Variants in STK32C observed in about 807,000 individuals in gnomAD.
STK32C encodes the protein serine/threonine kinase 32C.
STK32C carries 31 observed loss-of-function variants against 56.5 expected under a neutral mutation model. The ratio of observed to expected loss-of-function variants is 0.55; its 90% confidence interval spans 0.41 to 0.74. STK32C has a LOEUF of 0.74. Among genes scored for constraint, STK32C ranks in the 30% least tolerant of loss-of-function variants. The pLI is 0.00. For missense variants in STK32C, 544 were observed against 676.9 expected (o/e 0.80, Z 2.18); for synonymous variants, 309 against 289.4 (o/e 1.07, Z -0.69).
downstream of STK32C, among the ~76,000 whole-genome samples, chr10:132,322,816 C>T (rs962120848): frequency 6.6e-6 from 1 of 152,210 alleles, no homozygotes; most frequent in African/African-American, 2.4e-5. Flanking sequence ...GGGTGGAGGT[C>T]GTGGTTCTCT....
chr10:132,207,789 G>C lies in STK32C; in HGVS notation c.*221C>G. ...CGCTTCCTCCATCTAGGCGGGTCTC[G>C]GGGGCCCACGGGAAATGCCCTCCAC... On this transcript the variant is annotated 3_prime_UTR_variant, in exon 12 of 12. Transcript: ENST00000298630. 2.0e-6 allele frequency: 1 copy of C among 505,696 alleles called. No individual in the cohort carries two copies. The highest frequency in any genetic ancestry group is 1.1e-4 in the South Asian group (1 of 9,202). The allele number at this position is 505,696 out of a possible 1,614,324, so 31.3% of individuals were successfully genotyped here.
At chr10:132,265,537 G>T (rs1005879613) in intron 1 of STK32C, among the ~76,000 whole-genome samples, 1 of 152,150 alleles carries the variant, frequency 6.6e-6, no homozygotes, top group Non-Finnish European at 1.5e-5. Flanking sequence ...GCAGAGAGAC[G>T]GAGGGCAGGC....
chr10:132,245,985 G>A (rs1301056785), intron 1 of STK32C, 30 bp from the exon 2 acceptor site: 5 of 1,611,654 alleles, frequency 3.1e-6, no homozygotes, highest in Middle Eastern at 3.3e-4. Flanking sequence ...GACACCTGGT[G>A]AGGTGGCAGC....
intron 3 of STK32C, among the ~76,000 whole-genome samples, chr10:132,227,657 T>C (rs1356865425): frequency 6.6e-6 from 1 of 152,060 alleles, no homozygotes; most frequent in Non-Finnish European, 1.5e-5. Flanking sequence ...AGTTTTTCAG[T>C]CCCTAAACTC....
rs549524981 is a variant in STK32C at position 132,291,554 on chromosome 10, G to A, written c.262+16018C>T. Among the ~76,000 whole-genome samples the A allele has an allele frequency of 2.8e-4, 42 of 152,296 alleles. 1 individual carries two copies. The highest frequency in any genetic ancestry group is 8.4e-4 in the African/African-American group (35 of 41,552). ...GGCTGTGCCCACGAGATGCCAGCCC[G>A]CCCAATGGAGTTGGGCCTGGAGCCT... On this transcript the variant is annotated intron_variant, in intron 1 of 11. Transcript: ENST00000298630.
chr10:132,307,530 A>G lies in STK32C; in HGVS notation c.262+42T>C. On this transcript the variant is annotated intron_variant, in intron 1 of 11. Transcript: ENST00000298630. This position sits in a 1 kb window ranked among gnomAD's most constrained non-coding sequence, Gnocchi z 4.4. ...GCCGCCCAGCCGCGCCCGCCCCTGC[A>G]ATAGCGCGCGGCCCCCACGTCGTCC... 6.6e-7 allele frequency: 1 copy of G among 1,516,368 alleles called. No homozygotes were observed. Among genetic ancestry groups the G allele is most frequent in the African/African-American group, 1.4e-5 (1 of 68,984 alleles). The allele number at this position is 1,516,368 out of a possible 1,614,324, so 93.9% of individuals were successfully genotyped here. A position where few individuals can be genotyped will look rare whatever the true frequency, so the allele number is the denominator to read the frequency against.
chr10:132,252,218 A>G (rs1590271862), intron 1 of STK32C, among the ~76,000 whole-genome samples: 1 of 152,242 alleles, frequency 6.6e-6, no homozygotes, highest in South Asian at 2.1e-4. Context: ...CCCAGGAAGG[A>G]GGGAGACAAC....
At chr10:132,289,538 T>C (rs1380104209) in intron 1 of STK32C, among the ~76,000 whole-genome samples, 4 of 152,256 alleles carry the variant, frequency 2.6e-5, no homozygotes, top group Non-Finnish European at 5.9e-5. Flanking sequence ...CAGTTCAGGC[T>C]ACTATAACAG....
upstream of STK32C, among the ~76,000 whole-genome samples, chr10:132,312,352 G>A (rs530068849): frequency 2.0e-5 from 3 of 152,196 alleles, no homozygotes; most frequent in Middle Eastern, 3.4e-3. Context: ...AAGACTCATT[G>A]TCTAAATCAT....
intron 1 of STK32C, among the ~76,000 whole-genome samples, chr10:132,281,688 C>T (rs898854903): frequency 1.3e-5 from 2 of 152,188 alleles, no homozygotes; most frequent in Non-Finnish European, 2.9e-5. Context: ...AGGGAGTATC[C>T]CCCTGGGCCG....
intron 2 of STK32C, among the ~76,000 whole-genome samples, chr10:132,229,381 C>T (rs2063014477): frequency 6.6e-6 from 1 of 152,196 alleles, no homozygotes; most frequent in Non-Finnish European, 1.5e-5. Context: ...CCCGTAGTCC[C>T]AGCTACTCAG....
At chr10:132,226,644 C>G (rs1369428059) in intron 4 of STK32C, 151 bp downstream of exon 4, 3 of 913,500 alleles carry the variant, frequency 3.3e-6, no homozygotes, top group Non-Finnish European at 4.9e-6. Context: ...GGCACAGGTG[C>G]CACAGCTGGG....
intron 1 of STK32C, among the ~76,000 whole-genome samples, chr10:132,306,434 T>G (rs1192821686): frequency 6.6e-6 from 1 of 152,266 alleles, no homozygotes; most frequent in Non-Finnish European, 1.5e-5. Flanking sequence ...CCCTGGAGCG[T>G]GTGGGGCCTG....
chr10:132,248,181 G>A (rs575370834), intron 1 of STK32C, among the ~76,000 whole-genome samples: 4 of 152,370 alleles, frequency 2.6e-5, no homozygotes, highest in South Asian at 2.1e-4. Context: ...AGCAGCTGCC[G>A]CCATGTGGCG....
chr10:132,301,108 C>A (rs1158698090), intron 1 of STK32C, among the ~76,000 whole-genome samples: 1 of 151,814 alleles, frequency 6.6e-6, no homozygotes, highest in Non-Finnish European at 1.5e-5. Flanking sequence ...AACACGAGGT[C>A]CGATTCAACT....
At chr10:132,326,460 T>A (rs2066501231) in intron 1 of STK32C, among the ~76,000 whole-genome samples, 1 of 152,154 alleles carries the variant, frequency 6.6e-6, no homozygotes, top group Admixed American at 6.5e-5. Flanking sequence ...GACTCCCAGG[T>A]GGTTGGAATT....
At position 132,225,355 on chromosome 10, in the gene STK32C, G is replaced by A; in HGVS notation, c.773-19C>T. Reference sequence around the variant, plus strand: ...TCCGGAGCTTTCCGACAGAAAGAAGGAAAAACAGCTGCCACGGGGTCACAG... The same window carrying A: ...TCCGGAGCTTTCCGACAGAAAGAAGAAAAAACAGCTGCCACGGGGTCACAG... On this transcript the variant is annotated intron_variant, in intron 6 of 11. Coordinates refer to ENST00000298630, the MANE Select transcript of STK32C (RefSeq NM_173575.4). 1 of 1,601,136 alleles carries A rather than the reference G, an allele frequency of 6.2e-7. No individual in the cohort carries two copies. Among genetic ancestry groups the A allele is most frequent in the Non-Finnish European group, 8.5e-7 (1 of 1,174,358 alleles).
At chr10:132,232,893 A>C (rs374481679) in intron 2 of STK32C, among the ~76,000 whole-genome samples, 69 of 152,282 alleles carry the variant, frequency 4.5e-4, no homozygotes, top group African/African-American at 1.4e-3. Flanking sequence ...TGCCAATTCA[A>C]CCAAATGCTG....
intron 1 of STK32C, among the ~76,000 whole-genome samples, chr10:132,297,698 G>C (rs1194864256): frequency 6.6e-6 from 1 of 152,204 alleles, no homozygotes; most frequent in East Asian, 1.9e-4. Flanking sequence ...AAAGACCCTG[G>C]CAGTCACAGG....
Sources: gnomAD v4.1 joint callset for allele counts (sites outside exome capture counted in the v4.1 genomes callset) on GRCh38, gnomAD v4.1.1 for gene constraint, Gnocchi (gnomAD v3.1) non-coding constraint, MANE v1.5 for transcripts, NCBI Gene and HGNC (gene_info 2026-07-23, HGNC 2026-07-21) for gene names.